ROR2: variants seen among roughly 807,000 people sequenced by gnomAD.
The protein encoded by ROR2 is tyrosine-protein kinase transmembrane receptor ROR2.
Under a neutral mutation model 74.9 loss-of-function variants are expected in ROR2, and 33 were observed. That is an observed-to-expected ratio of 0.44 (90% confidence interval 0.33 to 0.59). The LOEUF (loss-of-function observed/expected upper bound fraction) is 0.59. Ranked by LOEUF, ROR2 falls within the 20% of genes least tolerant of loss-of-function variation. The pLI, the probability that ROR2 is intolerant of heterozygous loss-of-function variation, is 0.02. For missense variants in ROR2, 1,216 were observed against 1,313.8 expected, an observed-to-expected ratio of 0.93 and a Z score of 1.15; for synonymous variants, 586 against 558.7, an observed-to-expected ratio of 1.05 and a Z score of -0.69.
At chr9:91,908,495 AC>A (rs142202779) in intron 1 of ROR2, among the ~76,000 whole-genome samples, 2,414 of 152,318 alleles carry the variant, frequency 0.016, 72 homozygotes, top group African/African-American at 0.056. Flanking sequence ...GGACCTTATA[AC>A]CATTAACTCA....
intron 2 of ROR2, among the ~76,000 whole-genome samples, chr9:91,761,167 C>T (rs531248550): frequency 2.2e-4 from 33 of 152,260 alleles, no homozygotes; most frequent in Admixed American, 8.5e-4. Flanking sequence ...AACTGCTTTC[C>T]TCAAACCTTG....
intron 1 of ROR2, among the ~76,000 whole-genome samples, chr9:91,906,006 T>C (rs1327397312): frequency 9.0e-6 from 1 of 111,334 alleles, no homozygotes; most frequent in Non-Finnish European, 1.8e-5. Context: ...GAGAATTCTT[T>C]GAAAAAAAAA....
chr9:91,733,138 G>A lies in ROR2; in HGVS notation c.921C>T (p.Ala307=), dbSNP rs545644437. The change falls in exon 6 of 9, where the codon GCC becomes GCT. Residue 307 remains alanine (A), a synonymous_variant. Coordinates refer to ENST00000375708, the MANE Select transcript of ROR2 (RefSeq NM_004560.4). This position sits in a 1 kb window ranked among gnomAD's most constrained non-coding sequence, Gnocchi z 5.7. ...GGCACTCACAGCGGCCCAGCCTCTC[G>A]GCTGGGATGCCAATGCGCATGCAGT... ...AANCMRIGIP[A]ERLGRYHQCY... is the part of the protein sequence containing the mutation. 51 of 1,596,544 alleles carry A rather than the reference G, an allele frequency of 3.2e-5. No individual in the cohort carries two copies. Among genetic ancestry groups the A allele is most frequent in the African/African-American group, 1.6e-4 (12 of 74,874 alleles).
At chr9:91,800,366 GAAT>G (rs1466975526) in intron 1 of ROR2, among the ~76,000 whole-genome samples, 1 of 151,608 alleles carries the variant, frequency 6.6e-6, no homozygotes, top group Non-Finnish European at 1.5e-5. Flanking sequence ...GAGAGAGAGA[GAAT>G]AATACCAGTG....
At chr9:91,940,790 T>G (rs904740621) in intron 1 of ROR2, among the ~76,000 whole-genome samples, 4 of 151,426 alleles carry the variant, frequency 2.6e-5, no homozygotes, top group Non-Finnish European at 4.4e-5. Flanking sequence ...TTAGTAGAGA[T>G]GGGGTTTCAC....
chr9:91,927,369 T>C (rs548721972), intron 1 of ROR2, among the ~76,000 whole-genome samples: 1 of 152,304 alleles, frequency 6.6e-6, no homozygotes, highest in South Asian at 2.1e-4. Context: ...AGAAAAGTCC[T>C]TGCTGACCCA....
At chr9:91,873,586 T>G (rs1829868713) in intron 1 of ROR2, among the ~76,000 whole-genome samples, 1 of 151,876 alleles carries the variant, frequency 6.6e-6, no homozygotes. Flanking sequence ...AGAATCCATC[T>G]CAAAAAAGAA....
chr9:91,776,106 G>A lies in ROR2; in HGVS notation c.98-288C>T, dbSNP rs10992091. ...GGAGCCTGGGCTTCATTCAGAGAGG[G>A]ACAGAGAGCGGGAAGGAGAGGGAGA... is the stretch of plus-strand genomic sequence containing the variant. On this transcript the variant is annotated intron_variant, in intron 1 of 8. Coordinates refer to ENST00000375708, the MANE Select transcript of ROR2 (RefSeq NM_004560.4). Among the ~76,000 whole-genome samples, 34,598 of 152,124 alleles carry A rather than the reference G, an allele frequency of 0.23. 4,154 individuals carry two copies. The highest frequency in any genetic ancestry group is 0.35 in the Middle Eastern group (102 of 294).
chr9:91,844,490 C>T (rs764190250), intron 1 of ROR2, among the ~76,000 whole-genome samples: 8 of 152,230 alleles, frequency 5.3e-5, no homozygotes, highest in Admixed American at 1.3e-4. Flanking sequence ...CTCCAAATAT[C>T]AGGCTCTCTC....
chr9:91,850,981 T>C (rs1481073696), intron 1 of ROR2, among the ~76,000 whole-genome samples: 4 of 152,182 alleles, frequency 2.6e-5, no homozygotes, highest in Non-Finnish European at 4.4e-5. Context: ...CACACTCAAT[T>C]GTTCTAACAT....
At chr9:91,835,647 A>G (rs1430208286) in intron 1 of ROR2, among the ~76,000 whole-genome samples, 2 of 152,228 alleles carry the variant, frequency 1.3e-5, no homozygotes, top group Admixed American at 6.5e-5. Flanking sequence ...GCATCTTTCC[A>G]TAAGACCTGT....
At chr9:91,756,604 G>A (rs1712094059) in intron 3 of ROR2, among the ~76,000 whole-genome samples, 4 of 152,006 alleles carry the variant, frequency 2.6e-5, no homozygotes, top group Admixed American at 2.6e-4. Context: ...CTGCAGTGTG[G>A]CCACTCTCCC....
intron 1 of ROR2, among the ~76,000 whole-genome samples, chr9:91,818,438 A>ACCCC (rs1404168540): frequency 1.4e-5 from 2 of 147,492 alleles, no homozygotes; most frequent in Admixed American, 6.7e-5. Flanking sequence ...ACAACCACCA[A>ACCCC]CTCCCGCCCA....
intron 1 of ROR2, among the ~76,000 whole-genome samples, chr9:91,924,665 C>T (rs1485480501): frequency 1.3e-5 from 2 of 152,008 alleles, no homozygotes; most frequent in Non-Finnish European, 2.9e-5. Flanking sequence ...TGGTAGCGGG[C>T]GCCTGTAGTC....
intron 1 of ROR2, among the ~76,000 whole-genome samples, chr9:91,807,307 G>A (rs1827600476): frequency 6.6e-6 from 1 of 152,240 alleles, no homozygotes. Context: ...ACAGGAAGGT[G>A]AAGAACTCAT....
chr9:91,746,473 G>A (rs781096214), intron 4 of ROR2, among the ~76,000 whole-genome samples: 5 of 152,316 alleles, frequency 3.3e-5, no homozygotes, highest in South Asian at 4.1e-4. Flanking sequence ...GATAAACTCT[G>A]AACTAGACTT....
chr9:91,852,624 A>ACACACACACACACACACAC (rs1829133234), intron 1 of ROR2, among the ~76,000 whole-genome samples: 50 of 123,902 alleles, frequency 4.0e-4, no homozygotes, highest in East Asian at 1.4e-3. Context: ...AAAACACACA[A>ACACACACACACACACACAC]ACACACACAC....
intron 1 of ROR2, among the ~76,000 whole-genome samples, chr9:91,853,383 G>A (rs1318235565): frequency 6.6e-6 from 1 of 152,156 alleles, no homozygotes; most frequent in Non-Finnish European, 1.5e-5. Context: ...CACAGCCTGG[G>A]GTCAAAAAGG....
At chr9:91,922,932 C>T (rs754536323) in intron 1 of ROR2, among the ~76,000 whole-genome samples, 4 of 151,916 alleles carry the variant, frequency 2.6e-5, no homozygotes, top group African/African-American at 4.8e-5. Context: ...CCTCTCAAAG[C>T]CCTGTCCTCC....
Sources: allele counts gnomAD v4.1 joint callset (sites outside exome capture counted in the v4.1 genomes callset), GRCh38; gene constraint gnomAD v4.1.1; non-coding constraint Gnocchi (gnomAD v3.1); transcripts MANE v1.5; gene names NCBI Gene and HGNC (gene_info 2026-07-23, HGNC 2026-07-21).